NIN: variants seen among roughly 807,000 people sequenced by gnomAD.
NIN encodes the protein ninein.
A neutral mutation model predicts 257.6 loss-of-function variants in NIN; 137 were observed. The observed-to-expected ratio is 0.53, with a 90% CI of 0.46 to 0.61. The LOEUF is 0.61. Among genes scored for constraint, NIN ranks in the 20% least tolerant of loss-of-function variants. The pLI is 0.00. For missense variants in NIN, 2,439 were observed against 2,501.2 expected, an observed-to-expected ratio of 0.98 and a Z score of 0.53; for synonymous variants, 918 against 919.8, an observed-to-expected ratio of 1.00 and a Z score of 0.04.
chr14:50,777,507 A>G (rs1156459396), intron 6 of NIN, among the ~76,000 whole-genome samples: 1 of 152,238 alleles, frequency 6.6e-6, no homozygotes, highest in Non-Finnish European at 1.5e-5. Flanking sequence ...TGTAAGCTCT[A>G]TCTCAACTAT....
chr14:50,748,055 T>C lies in NIN; in HGVS notation c.5001A>G (p.Ile1667Met). The stretch of plus-strand genomic sequence containing the variant: ...TTTCCTGTTGCACAATATGGGTCTG[T>C]ATTTTAACTTCAGAGAGCTCCGCCT... The part of the protein sequence containing the change: ...SLEAELSEVK[I>M]QTHIVQQENH... The change falls in exon 22 of 31, where the codon ATA becomes ATG. Residue 1667 changes from isoleucine (I) to methionine (M), a missense_variant. Coordinates refer to ENST00000530997, the MANE Select transcript of NIN (RefSeq NM_020921.4). The C allele has an allele frequency of 6.2e-7, 1 of 1,614,118 alleles. No individual in the cohort carries two copies. Among genetic ancestry groups the C allele is most frequent in the Non-Finnish European group, 8.5e-7 (1 of 1,179,990 alleles).
At chr14:50,808,540 C>T (rs1413218473) in intron 3 of NIN, among the ~76,000 whole-genome samples, 2 of 152,216 alleles carry the variant, frequency 1.3e-5, no homozygotes, top group African/African-American at 4.8e-5. Context: ...GAAGCCTCTC[C>T]AAGCCCTAGT....
In NIN at chr14:50,738,277, A is replaced by G. The variant is rs1414737859; in HGVS notation, c.5638T>C (p.Leu1880=). ...TGCTTGGGAAGAAGATTGGATTCCA[A>G]CTGACGGACCTAACAGGAACAAATG... ...LTHSREKVRQ[L]ESNLLPKHQK... The change falls in exon 27 of 31, where the codon TTG becomes CTG. Residue 1880 remains leucine, a synonymous_variant. Coordinates refer to ENST00000530997, the MANE Select transcript of NIN (RefSeq NM_020921.4). The G allele has an allele frequency of 3.1e-6, 5 of 1,613,516 alleles. No homozygotes were observed. The highest frequency in any genetic ancestry group is 2.5e-6 in the Non-Finnish European group (3 of 1,179,808).
intron 3 of NIN, among the ~76,000 whole-genome samples, chr14:50,818,592 T>C (rs1172214181): frequency 6.6e-6 from 1 of 152,214 alleles, no homozygotes; most frequent in East Asian, 1.9e-4. Flanking sequence ...CCCCTTGTGA[T>C]GAGGCCTCAT....
intron 6 of NIN, 59 bp from the exon 7 acceptor site, chr14:50,777,198 T>C (rs2042957086): frequency 7.5e-7 from 1 of 1,326,648 alleles, no homozygotes; most frequent in Non-Finnish European, 1.0e-6. Context: ...AGAGTGCCTA[T>C]TCTTAAAGAA....
At chr14:50,829,138 A>G (rs2045589907) in intron 2 of NIN, among the ~76,000 whole-genome samples, 1 of 152,218 alleles carries the variant, frequency 6.6e-6, no homozygotes, top group Non-Finnish European at 1.5e-5. Flanking sequence ...ACAAATCTGC[A>G]AACAAATTCC....
At position 50,748,050 on chromosome 14, in the gene NIN, G is replaced by T. The variant is rs143813444; in HGVS notation, c.5006C>A (p.Thr1669Asn). 3.2e-4 allele frequency: 522 copies of T among 1,613,982 alleles called. No individual in the cohort carries two copies. The highest frequency in any genetic ancestry group is 2.8e-4 in the Non-Finnish European group (336 of 1,179,920). The change falls in exon 22 of 31, where the codon ACC becomes AAC. Residue 1669 changes from threonine to asparagine, a missense_variant. Thr to Asn is a moderately conservative substitution (Grantham distance 65). This residue lies in a region of NIN where 2,043 missense variants were observed against 2,050.2 expected (regional missense o/e 1.00). Transcript: ENST00000530997. ...EAELSEVKIQTHIVQQENHLL... is the reference protein window; with the variant it reads ...EAELSEVKIQNHIVQQENHLL... Reference sequence around the variant, plus strand: ...GTGGTTTTCCTGTTGCACAATATGGGTCTGTATTTTAACTTCAGAGAGCTC... The same window carrying T: ...GTGGTTTTCCTGTTGCACAATATGGTTCTGTATTTTAACTTCAGAGAGCTC...
intron 17 of NIN, among the ~76,000 whole-genome samples, chr14:50,759,058 C>T (rs1328579513): frequency 6.6e-6 from 1 of 152,210 alleles, no homozygotes; most frequent in Non-Finnish European, 1.5e-5. Flanking sequence ...CAAATTCATT[C>T]TGCTTTTGCT....
chr14:50,784,859 A>G (rs1280189104), intron 5 of NIN, among the ~76,000 whole-genome samples: 1 of 152,212 alleles, frequency 6.6e-6, no homozygotes, highest in African/African-American at 2.4e-5. Context: ...CTCCCTGCAG[A>G]CAGTGTCCCC....
chr14:50,791,987 C>T (rs1261106724), intron 5 of NIN: 1 of 152,134 alleles, frequency 6.6e-6, no homozygotes, highest in African/African-American at 2.4e-5. Flanking sequence ...ATGGCATTTT[C>T]AATCATGTTC....
rs1044462856 is a variant in NIN at position 50,738,345 on chromosome 14, C to A, written c.5629-59G>T. Reference sequence around the variant, plus strand: ...AATACAATCACCCAGCCAGCAAAAACAACAAACATAGGGAAAGTTTTAATT... The same window carrying A: ...AATACAATCACCCAGCCAGCAAAAAAAACAAACATAGGGAAAGTTTTAATT... On this transcript the variant is annotated intron_variant, in intron 26 of 30. Coordinates refer to ENST00000530997, the MANE Select transcript of NIN (RefSeq NM_020921.4). 2.0e-6 allele frequency: 3 copies of A among 1,493,230 alleles called. No individual in the cohort carries two copies. In the African/African-American group the frequency reaches 4.2e-5, roughly 21 times the overall value. The allele number at this position is 1,493,230 out of a possible 1,614,324, so 92.5% of individuals were successfully genotyped here. A position where few individuals can be genotyped will look rare whatever the true frequency, so the allele number is the denominator to read the frequency against.
intron 3 of NIN, among the ~76,000 whole-genome samples, chr14:50,818,419 G>A (rs966683148): frequency 1.3e-5 from 2 of 151,842 alleles, no homozygotes; most frequent in Non-Finnish European, 2.9e-5. Flanking sequence ...GAGATAGAGA[G>A]GTATGCAGAA....
At chr14:50,780,308 G>A (rs1284453348) in intron 5 of NIN, among the ~76,000 whole-genome samples, 1 of 152,194 alleles carries the variant, frequency 6.6e-6, no homozygotes, top group East Asian at 1.9e-4. Context: ...TATGAATGAA[G>A]CTGCCTTTGA....
At chr14:50,772,030 A>G in intron 9 of NIN, 1 of 321,690 alleles carries the variant, frequency 3.1e-6, no homozygotes, top group South Asian at 7.3e-5. Context: ...ACACAACAAC[A>G]ACAACAACAA....
chr14:50,763,990 C>T, intron 14 of NIN, 26 bp from the exon 15 acceptor site: 1 of 1,592,738 alleles, frequency 6.3e-7, no homozygotes, highest in Non-Finnish European at 8.6e-7. Context: ...CAACACTGGT[C>T]TTAGATGTGA....
intron 7 of NIN, 96 bp downstream of exon 7, chr14:50,776,853 A>C: frequency 9.1e-7 from 1 of 1,097,292 alleles, no homozygotes; most frequent in Non-Finnish European, 1.3e-6. Flanking sequence ...ATGGAGCCTA[A>C]CAAGCTGCAG....
rs550880582 is a variant in NIN, at chr14:50,802,221, C to G, written c.265+4516G>C. On this transcript the variant is annotated intron_variant, in intron 4 of 30. Coordinates refer to ENST00000530997, the MANE Select transcript of NIN (RefSeq NM_020921.4). ...TAATCAGTTTGGAATTTACAAAAGA[C>G]TTCCTACATCCCAATCCATTTTTCT... is the stretch of plus-strand genomic sequence containing the variant. 5.3e-5 allele frequency among the ~76,000 whole-genome samples: 8 copies of G among 152,350 alleles called. No homozygotes were observed. The East Asian group carries it at 1.5e-3, about 29-fold the overall frequency.
At chr14:50,760,443 T>A in intron 16 of NIN, 84 bp from the exon 17 acceptor site, 1 of 1,160,782 alleles carries the variant, frequency 8.6e-7, no homozygotes. Flanking sequence ...ATTGCTTTTT[T>A]TTTTTTTTTT....
chr14:50,768,052 AAC>A (rs61028485), intron 12 of NIN, among the ~76,000 whole-genome samples: 22,885 of 138,682 alleles, frequency 0.17, 1,893 homozygotes, highest in Middle Eastern at 0.2. Flanking sequence ...CACATTTGCC[AAC>A]ACACACACAC....
Sources: gnomAD v4.1 joint callset for allele counts (sites outside exome capture counted in the v4.1 genomes callset) on GRCh38, gnomAD v4.1.1 for gene constraint, gnomAD v4.1.1 regional missense constraint, MANE v1.5 for transcripts, NCBI Gene and HGNC (gene_info 2026-07-23, HGNC 2026-07-21) for gene names.